Variants in NELL1 observed in about 807,000 individuals in gnomAD.
The protein encoded by NELL1 is protein kinase C-binding protein NELL1.
A neutral mutation model predicts 107.4 loss-of-function variants in NELL1; 76 were observed. That is an observed-to-expected ratio of 0.71 (90% CI 0.59 to 0.86). NELL1 has a LOEUF of 0.86. NELL1 is among the 40% of genes least tolerant of loss of function. The pLI, the probability that NELL1 is intolerant of heterozygous loss-of-function variation, is 0.00. For synonymous variants in NELL1, 353 were observed against 341.2 expected (o/e 1.03, Z -0.38); for missense variants, 1,024 against 1,005.5 (o/e 1.02, Z -0.25).
intron 15 of NELL1, among the ~76,000 whole-genome samples, chr11:21,505,873 G>A (rs2133937979): frequency 6.6e-6 from 1 of 152,166 alleles, no homozygotes; most frequent in Admixed American, 6.5e-5. Context: ...TATATCTTCT[G>A]TGCCCAGTTT....
chr11:21,216,651 T>C (rs1857620284), intron 13 of NELL1, among the ~76,000 whole-genome samples: 1 of 152,226 alleles, frequency 6.6e-6, no homozygotes, highest in African/African-American at 2.4e-5. Context: ...TATTGGATTT[T>C]GGACTTGCAT....
intron 2 of NELL1, among the ~76,000 whole-genome samples, chr11:20,737,901 G>A (rs1855798739): frequency 6.6e-6 from 1 of 150,832 alleles, no homozygotes; most frequent in African/African-American, 2.4e-5. Flanking sequence ...GAACGATCAG[G>A]AATTATAGTT....
chr11:21,522,235 A>G (rs1172114254), intron 15 of NELL1, among the ~76,000 whole-genome samples: 1 of 116,782 alleles, frequency 8.6e-6, no homozygotes, highest in East Asian at 2.0e-4. Flanking sequence ...CTCCGTCTCA[A>G]AAAAAAAAAA....
At chr11:21,136,137 T>C (rs1262024057) in intron 13 of NELL1, among the ~76,000 whole-genome samples, 1 of 152,140 alleles carries the variant, frequency 6.6e-6, no homozygotes, top group Non-Finnish European at 1.5e-5. Flanking sequence ...AGTAGCCTAT[T>C]TGAGTGAAAA....
intron 14 of NELL1, among the ~76,000 whole-genome samples, chr11:21,272,332 C>A (rs1273434654): frequency 1.3e-5 from 2 of 152,212 alleles, no homozygotes; most frequent in Non-Finnish European, 2.9e-5. Flanking sequence ...GATCAAACTG[C>A]AAGGCAGCAG....
chr11:20,697,605 C>T (rs1002191476), intron 2 of NELL1, among the ~76,000 whole-genome samples: 5 of 151,896 alleles, frequency 3.3e-5, no homozygotes, highest in African/African-American at 1.2e-4. Context: ...TTGTGGAAGA[C>T]CTAGATGAAT....
intron 5 of NELL1, among the ~76,000 whole-genome samples, chr11:20,908,680 A>G (rs1345284794): frequency 6.6e-6 from 1 of 152,202 alleles, no homozygotes; most frequent in Admixed American, 6.5e-5. Context: ...TTAAAGTAAA[A>G]TTTAAAAATA....
intron 15 of NELL1, among the ~76,000 whole-genome samples, chr11:21,427,531 T>C (rs1213215998): frequency 6.6e-6 from 1 of 152,152 alleles, no homozygotes; most frequent in African/African-American, 2.4e-5. Context: ...CAATTAAACA[T>C]ACATGAAGAT....
At chr11:21,403,741 C>G (rs560384803) in intron 15 of NELL1, among the ~76,000 whole-genome samples, 85 of 140,682 alleles carry the variant, frequency 6.0e-4, no homozygotes, top group South Asian at 3.9e-3. Flanking sequence ...AGAATGTTAT[C>G]AGAAAAAAAA....
chr11:20,965,497 T>G (rs1851370574), intron 12 of NELL1, among the ~76,000 whole-genome samples: 1 of 152,138 alleles, frequency 6.6e-6, no homozygotes. Flanking sequence ...ATGGAAGGAC[T>G]AGGGTTCATC....
chr11:20,918,863 A>G (rs1327065586), intron 6 of NELL1, among the ~76,000 whole-genome samples: 1 of 152,012 alleles, frequency 6.6e-6, no homozygotes, highest in Admixed American at 6.6e-5. Flanking sequence ...CTATAGGTGG[A>G]TATAGAAAGA....
chr11:21,243,343 G>T (rs913345054), intron 14 of NELL1, among the ~76,000 whole-genome samples: 16 of 151,982 alleles, frequency 1.1e-4, no homozygotes, highest in Middle Eastern at 3.2e-3. Flanking sequence ...AGCATAGGCC[G>T]TTTTTGCACA....
chr11:21,214,089 C>T (rs1386538816), intron 13 of NELL1, among the ~76,000 whole-genome samples: 2 of 152,060 alleles, frequency 1.3e-5, no homozygotes, highest in African/African-American at 4.8e-5. Context: ...AGGCCTTATA[C>T]AGGGTGAGTA....
At chr11:20,856,556 T>C (rs1027429474) in intron 4 of NELL1, among the ~76,000 whole-genome samples, 12 of 152,202 alleles carry the variant, frequency 7.9e-5, no homozygotes, top group African/African-American at 2.4e-4. Flanking sequence ...TTTATTATCA[T>C]TGGAGGTAAA....
At chr11:20,947,836 A>G (rs1850994972) in intron 11 of NELL1, among the ~76,000 whole-genome samples, 1 of 152,142 alleles carries the variant, frequency 6.6e-6, no homozygotes, top group African/African-American at 2.4e-5. Flanking sequence ...TTGTTGGGCC[A>G]GTTCCCATAC....
intron 14 of NELL1, among the ~76,000 whole-genome samples, chr11:21,355,360 A>G: frequency 6.6e-6 from 1 of 152,182 alleles, no homozygotes; most frequent in East Asian, 1.9e-4. Flanking sequence ...AGTGCTCACC[A>G]TTTTGAGCAC....
In NELL1 at chr11:21,561,005, G is replaced by A. The variant is rs1268347753; in HGVS notation, c.1980+623G>A. Among the ~76,000 whole-genome samples, 12 of 152,050 alleles carry A rather than the reference G, an allele frequency of 7.9e-5. 1 individual carries two copies. Among genetic ancestry groups the A allele is most frequent in the Admixed American group, 7.9e-4 (12 of 15,268 alleles). Reference sequence around the variant, plus strand: ...CTGTCATCATTTGGTTTTGCTTTATGCTTTGCAAAATGGGTCTATTAAACT... The same window carrying A: ...CTGTCATCATTTGGTTTTGCTTTATACTTTGCAAAATGGGTCTATTAAACT... On this transcript the variant is annotated intron_variant, in intron 17 of 19. Transcript: ENST00000357134.
intron 15 of NELL1, among the ~76,000 whole-genome samples, chr11:21,394,278 C>T (rs1249060638): frequency 6.6e-6 from 1 of 151,378 alleles, no homozygotes; most frequent in East Asian, 2.0e-4. Context: ...GGATTCAAAC[C>T]CAGGGAGCCT....
At chr11:20,780,157 T>A (rs1470123819) in intron 2 of NELL1, among the ~76,000 whole-genome samples, 1 of 152,218 alleles carries the variant, frequency 6.6e-6, no homozygotes, top group Non-Finnish European at 1.5e-5. Flanking sequence ...CAATCATTTT[T>A]AAAAAGAAAT....
Sources: gnomAD v4.1 joint callset for allele counts (sites outside exome capture counted in the v4.1 genomes callset) on GRCh38, gnomAD v4.1.1 for gene constraint, MANE v1.5 for transcripts, NCBI Gene and HGNC (gene_info 2026-07-23, HGNC 2026-07-21) for gene names.